Variants in TPRG1 observed in about 807,000 individuals in gnomAD.
TPRG1 encodes tumor protein p63 regulated 1.
Under a neutral mutation model 29.3 loss-of-function variants are expected in TPRG1, and 29 were observed. The ratio of observed to expected loss-of-function variants is 0.99; its 90% CI spans 0.74 to 1.35. The LOEUF (loss-of-function observed/expected upper bound fraction) is 1.35. Among genes scored for constraint, TPRG1 ranks in the 40% most tolerant of loss-of-function variants. TPRG1 has a pLI of 0.00. For missense variants in TPRG1, 327 were observed against 335.0 expected, an observed-to-expected ratio of 0.98 and a Z score of 0.19; for synonymous variants, 130 against 116.8, an observed-to-expected ratio of 1.11 and a Z score of -0.73.
chr3:189,215,476 T>A, intron 3 of TPRG1, 93 bp downstream of exon 3: 2 of 1,042,836 alleles, frequency 1.9e-6, no homozygotes, highest in South Asian at 2.9e-5. Context: ...GTGGTAGAAT[T>A]TCTCTGGTTG....
rs896160186 is a variant in TPRG1, at chr3:189,127,419, A to G, written c.-590+209A>G. On this transcript the variant is annotated intron_variant, in intron 2 of 6. Coordinates refer to the TPRG1 transcript ENST00000412373. Reference sequence around the variant, plus strand: ...GGTGCTGACATATGTTAACAAATGGAAACTATTGACACAAGTTAAAATTGT... The same window carrying G: ...GGTGCTGACATATGTTAACAAATGGGAACTATTGACACAAGTTAAAATTGT... 3.9e-5 allele frequency among the ~76,000 whole-genome samples: 6 copies of G among 152,216 alleles called. No homozygotes were observed. The East Asian group carries it at 9.6e-4, about 24-fold the overall frequency.
chr3:189,223,297 A>C (rs1737212353), intron 3 of TPRG1, among the ~76,000 whole-genome samples: 1 of 152,200 alleles, frequency 6.6e-6, no homozygotes, highest in African/African-American at 2.4e-5. Context: ...AAGCCCAGTA[A>C]GACTTGCCTC....
At chr3:189,224,769 A>G (rs1467509831) in intron 3 of TPRG1, among the ~76,000 whole-genome samples, 1 of 152,048 alleles carries the variant, frequency 6.6e-6, no homozygotes, top group Admixed American at 6.6e-5. Flanking sequence ...TTAATTTTGA[A>G]TGCCTTCAGA....
At chr3:189,023,906 G>T (rs899672984) in exon 4 of TPRG1, 1 of 152,232 alleles carries the variant, frequency 6.6e-6, no homozygotes, top group Non-Finnish European at 1.5e-5. Flanking sequence ...ACTGTTGCTG[G>T]CCTGAATACA....
chr3:189,176,604 G>A (rs144999128), intron 1 of TPRG1, among the ~76,000 whole-genome samples: 2 of 152,308 alleles, frequency 1.3e-5, no homozygotes, highest in African/African-American at 4.8e-5. Flanking sequence ...GCTAGATTTT[G>A]GACAGGGTGC....
chr3:189,091,372 G>A (rs762929374), intron 4 of TPRG1, among the ~76,000 whole-genome samples: 2 of 152,032 alleles, frequency 1.3e-5, no homozygotes, highest in Non-Finnish European at 2.9e-5. Flanking sequence ...TTGATGAATC[G>A]TGACAAATAT....
chr3:189,075,396 A>G (rs1009985706), intron 4 of TPRG1, among the ~76,000 whole-genome samples: 2 of 152,106 alleles, frequency 1.3e-5, no homozygotes, highest in Non-Finnish European at 2.9e-5. Flanking sequence ...CGGCCTCCCA[A>G]AGTGCTAGGA....
chr3:189,051,992 C>A (rs1476311201), intron 4 of TPRG1, among the ~76,000 whole-genome samples: 1 of 152,182 alleles, frequency 6.6e-6, no homozygotes, highest in African/African-American at 2.4e-5. Context: ...TATAAAAATT[C>A]TAGAAGATAA....
At chr3:189,224,994 T>G (rs890662830) in intron 3 of TPRG1, among the ~76,000 whole-genome samples, 11 of 150,018 alleles carry the variant, frequency 7.3e-5, no homozygotes, top group African/African-American at 2.2e-4. Flanking sequence ...TGCAGTGGCG[T>G]GATCTCAGCT....
chr3:189,065,666 T>G (rs192422763), intron 4 of TPRG1, among the ~76,000 whole-genome samples: 8 of 152,270 alleles, frequency 5.3e-5, no homozygotes, highest in Admixed American at 3.9e-4. Context: ...TTACTATGAC[T>G]TGATATGAAC....
At chr3:189,047,887 C>T (rs1244496473) in intron 4 of TPRG1, among the ~76,000 whole-genome samples, 1 of 152,130 alleles carries the variant, frequency 6.6e-6, no homozygotes, top group African/African-American at 2.4e-5. Context: ...TTGTCATTTC[C>T]AGCATGTTTG....
chr3:189,313,152 A>G (rs1443093436), intron 5 of TPRG1: 1 of 151,788 alleles, frequency 6.6e-6, no homozygotes, highest in East Asian at 1.9e-4. Flanking sequence ...AAAACAAATG[A>G]TCTCCATCTG....
At chr3:189,231,054 C>A (rs895637695) in intron 3 of TPRG1, among the ~76,000 whole-genome samples, 1 of 152,064 alleles carries the variant, frequency 6.6e-6, no homozygotes, top group Non-Finnish European at 1.5e-5. Flanking sequence ...TTTTTTCCAA[C>A]TTTTCCAGGT....
At chr3:189,153,869 A>T (rs1726288890) in intron 5 of TPRG1, among the ~76,000 whole-genome samples, 2 of 152,200 alleles carry the variant, frequency 1.3e-5, no homozygotes, top group South Asian at 2.1e-4. Flanking sequence ...GCAATCTTAG[A>T]GGACTAAGAG....
At chr3:189,320,071 T>C (rs1323155777) in intron 5 of TPRG1, among the ~76,000 whole-genome samples, 1 of 152,114 alleles carries the variant, frequency 6.6e-6, no homozygotes, top group Non-Finnish European at 1.5e-5. Context: ...TCTATTTTCC[T>C]TCTAGAATTT....
intron 2 of TPRG1, among the ~76,000 whole-genome samples, chr3:189,128,670 T>C (rs1722764895): frequency 1.3e-5 from 2 of 152,356 alleles, no homozygotes; most frequent in South Asian, 2.1e-4. Context: ...TCTCTAATTT[T>C]AGTGATAATG....
chr3:189,207,556 CAT>C lies in TPRG1; in HGVS notation c.173_174del (p.His58ProfsTer17), dbSNP rs753019703. On this transcript the variant is annotated frameshift_variant, in exon 2 of 6. Transcript: ENST00000345063. LOFTEE classifies it high-confidence loss of function. ...ATCAACTCTTTACCCCAATCCTTAT[CAT>C]CAGCCTTATATCTCACGGAAGTACT... Reference protein sequence around the residue: ...TESTLYPNPYHQPYISRKYFA... With the variant: ...TESTLYPNPYXQPYISRKYFA... The C allele has an allele frequency of 1.2e-6, 2 of 1,614,036 alleles. No individual in the cohort carries two copies. The highest frequency in any genetic ancestry group is 4.5e-5 in the East Asian group (2 of 44,870).
At chr3:189,312,887 G>A (rs773193684) in intron 5 of TPRG1, among the ~76,000 whole-genome samples, 9 of 152,300 alleles carry the variant, frequency 5.9e-5, no homozygotes, top group South Asian at 2.1e-4. Flanking sequence ...GCTCTTACTG[G>A]ATGGAAGTAA....
intron 4 of TPRG1, among the ~76,000 whole-genome samples, chr3:189,256,495 G>C (rs1359466334): frequency 2.0e-5 from 3 of 152,162 alleles, no homozygotes; most frequent in Non-Finnish European, 4.4e-5. Flanking sequence ...ATTTGGGGTG[G>C]AGAGTTCTGT....
Sources: allele counts gnomAD v4.1 joint callset (sites outside exome capture counted in the v4.1 genomes callset), GRCh38; gene constraint gnomAD v4.1.1; transcripts MANE v1.5; gene names NCBI Gene and HGNC (gene_info 2026-07-23, HGNC 2026-07-21).